PRKCB: variants seen among roughly 807,000 people sequenced by gnomAD.
PRKCB encodes protein kinase C beta type.
PRKCB carries 13 observed loss-of-function variants against 81.5 expected under a neutral mutation model. That is an observed-to-expected ratio of 0.16 (90% CI 0.10 to 0.25). PRKCB has a LOEUF of 0.25. PRKCB is among the 10% of genes least tolerant of loss of function. The pLI is 1.00. For missense variants in PRKCB, 509 were observed against 875.7 expected (o/e 0.58, Z 5.29); for synonymous variants, 335 against 321.4 (o/e 1.04, Z -0.45).
intron 5 of PRKCB, among the ~76,000 whole-genome samples, chr16:24,076,294 G>A (rs1281790346): frequency 6.6e-6 from 1 of 152,180 alleles, no homozygotes; most frequent in Non-Finnish European, 1.5e-5. Flanking sequence ...GCAGTTGTTG[G>A]CAGATGTACA....
intron 5 of PRKCB, among the ~76,000 whole-genome samples, chr16:24,058,780 T>C (rs1385374252): frequency 2.6e-5 from 4 of 152,164 alleles, no homozygotes; most frequent in African/African-American, 9.7e-5. Flanking sequence ...AGGGATTTGG[T>C]GAGCCATTGT....
intron 9 of PRKCB, among the ~76,000 whole-genome samples, chr16:24,125,285 C>T (rs905746301): frequency 6.6e-6 from 1 of 151,926 alleles, no homozygotes; most frequent in African/African-American, 2.4e-5. Context: ...TTCTATGTTA[C>T]ATCCTTAGCT....
intron 9 of PRKCB, among the ~76,000 whole-genome samples, chr16:24,147,406 A>C (rs993716584): frequency 5.3e-5 from 8 of 152,098 alleles, no homozygotes; most frequent in Non-Finnish European, 1.2e-4. Flanking sequence ...TATTGGGCAC[A>C]TCACCAGTGC....
chr16:24,161,071 A>G (rs1967247501), intron 10 of PRKCB, among the ~76,000 whole-genome samples: 2 of 152,194 alleles, frequency 1.3e-5, no homozygotes, highest in Admixed American at 1.3e-4. Flanking sequence ...TTTTCTTTCT[A>G]GAGACTCAGA....
chr16:23,916,983 C>T (rs910084850), intron 2 of PRKCB, among the ~76,000 whole-genome samples: 11 of 151,986 alleles, frequency 7.2e-5, no homozygotes, highest in African/African-American at 2.7e-4. Context: ...TCCCTGTTGC[C>T]CAGGCTGGTC....
At chr16:23,852,326 T>C (rs1205784333) in intron 2 of PRKCB, among the ~76,000 whole-genome samples, 1 of 152,222 alleles carries the variant, frequency 6.6e-6, no homozygotes, top group East Asian at 1.9e-4. Flanking sequence ...CATGAAAGAA[T>C]GTTAATTTTT....
intron 2 of PRKCB, among the ~76,000 whole-genome samples, chr16:23,982,069 T>C (rs994238649): frequency 6.9e-3 from 170 of 24,724 alleles, no homozygotes; most frequent in Middle Eastern, 0.033. Flanking sequence ...TCCCCTTCTC[T>C]TTCCCTTCCC....
chr16:24,127,153 C>A (rs543731271), intron 9 of PRKCB, among the ~76,000 whole-genome samples: 3 of 151,864 alleles, frequency 2.0e-5, no homozygotes, highest in Non-Finnish European at 4.4e-5. Context: ...ATTACAGGCA[C>A]GCGCCACCAC....
At chr16:24,159,656 AC>A (rs1967223621) in intron 10 of PRKCB, among the ~76,000 whole-genome samples, 1 of 152,168 alleles carries the variant, frequency 6.6e-6, no homozygotes, top group Non-Finnish European at 1.5e-5. Flanking sequence ...TTGCTAACCT[AC>A]CTGTGCCTTA....
At chr16:24,189,988 C>G (rs1330812259) in intron 15 of PRKCB, among the ~76,000 whole-genome samples, 1 of 152,082 alleles carries the variant, frequency 6.6e-6, no homozygotes, top group African/African-American at 2.4e-5. Context: ...TTGCTCAAGT[C>G]TTGAGATCAG....
chr16:24,208,507 C>G (rs1213790289), intron 16 of PRKCB: 1 of 152,252 alleles, frequency 6.6e-6, no homozygotes, highest in Non-Finnish European at 1.5e-5. Context: ...TCTCCTTAAT[C>G]CTGAAAGAGG....
chr16:24,082,257 G>C (rs1648034257), intron 5 of PRKCB, among the ~76,000 whole-genome samples: 1 of 152,186 alleles, frequency 6.6e-6, no homozygotes, highest in Non-Finnish European at 1.5e-5. Context: ...TGGATTGAAA[G>C]ACTCAGCAGA....
At chr16:24,178,921 T>A (rs1213942690) in intron 12 of PRKCB, among the ~76,000 whole-genome samples, 1 of 152,198 alleles carries the variant, frequency 6.6e-6, no homozygotes, top group Non-Finnish European at 1.5e-5. Context: ...AAAATCCAGG[T>A]GCAGATCTGA....
chr16:23,839,128 A>T (rs969227089), intron 2 of PRKCB, among the ~76,000 whole-genome samples: 2 of 152,202 alleles, frequency 1.3e-5, no homozygotes, highest in Admixed American at 1.3e-4. Flanking sequence ...TGGATGGGAA[A>T]GTCACTTTGG....
intron 2 of PRKCB, among the ~76,000 whole-genome samples, chr16:23,979,885 A>G (rs185537233): frequency 7.0e-4 from 107 of 152,274 alleles, no homozygotes; most frequent in South Asian, 1.7e-3. Context: ...GGAGTTTGAG[A>G]CCAGCCTGGG....
At chr16:24,200,010 A>C (rs1424379986) in intron 16 of PRKCB, among the ~76,000 whole-genome samples, 2 of 152,248 alleles carry the variant, frequency 1.3e-5, no homozygotes, top group Non-Finnish European at 2.9e-5. Flanking sequence ...AAATGATTTA[A>C]ATTTATTTTA....
intron 9 of PRKCB, among the ~76,000 whole-genome samples, chr16:24,143,257 C>T (rs913060117): frequency 6.6e-6 from 1 of 152,078 alleles, no homozygotes; most frequent in Non-Finnish European, 1.5e-5. Flanking sequence ...CTCAGCCTCC[C>T]AAGTAGCTGG....
At chr16:23,897,547 T>C (rs2141121163) in intron 2 of PRKCB, among the ~76,000 whole-genome samples, 1 of 152,350 alleles carries the variant, frequency 6.6e-6, no homozygotes, top group South Asian at 2.1e-4. Context: ...CTGTCACCTG[T>C]TGGTGGGTTC....
At chr16:24,094,062 C>G in intron 6 of PRKCB, 101 bp from the exon 7 acceptor site, 1 of 1,328,778 alleles carries the variant, frequency 7.5e-7, no homozygotes. Flanking sequence ...AGCTTGTAAT[C>G]TTTAAAACTT....
Sources: allele counts gnomAD v4.1 joint callset (sites outside exome capture counted in the v4.1 genomes callset), GRCh38; gene constraint gnomAD v4.1.1; transcripts MANE v1.5; gene names NCBI Gene and HGNC (gene_info 2026-07-23, HGNC 2026-07-21).